The following CEP164 variants were observed in gnomAD, a reference collection of about 807,000 sequenced individuals.
CEP164 encodes centrosomal protein of 164 kDa.
A neutral mutation model predicts 182.7 loss-of-function variants in CEP164; 162 were observed. The observed-to-expected ratio is 0.89, with a 90% confidence interval of 0.78 to 1.01. The LOEUF is 1.01. Ranked by LOEUF, CEP164 falls within the 50% of genes least tolerant of loss-of-function variation. The pLI is 0.00. For synonymous variants in CEP164, 661 were observed against 690.0 expected, an observed-to-expected ratio of 0.96 and a Z score of 0.66; for missense variants, 1,735 against 1,790.4, an observed-to-expected ratio of 0.97 and a Z score of 0.56.
chr11:117,364,173 A>G (rs1290482414), intron 8 of CEP164: 1 of 152,222 alleles, frequency 6.6e-6, no homozygotes, highest in African/African-American at 2.4e-5. Flanking sequence ...CTAAGTATTT[A>G]TACAACCAAT....
Position 117,409,487 on chromosome 11 carries a change from A to G in CEP164, c.3749-131A>G, listed in dbSNP as rs1396517319. The stretch of plus-strand genomic sequence containing the variant: ...GCCCTGCCATCCCTGACCCCCTCAT[A>G]AGGTTGAGGGGCTGTTGTCTGGAGA... On this transcript the variant is annotated intron_variant, in intron 29 of 32. Coordinates refer to ENST00000278935, the MANE Select transcript of CEP164 (RefSeq NM_014956.5). This position sits in a 1 kb window ranked among gnomAD's most constrained non-coding sequence, Gnocchi z 4.4. 2.6e-6 allele frequency: 2 copies of G among 782,998 alleles called. No individual in the cohort carries two copies. The highest frequency in any genetic ancestry group is 4.2e-6 in the Non-Finnish European group (2 of 479,984). 48.5% of individuals were successfully genotyped at this position (782,998 alleles called of 1,614,324 possible). A position where few individuals can be genotyped will look rare whatever the true frequency, so the allele number is the denominator to read the frequency against.
At chr11:117,407,879 G>A (rs748683125) in intron 27 of CEP164, 46 bp from the exon 28 acceptor site, 13 of 1,432,704 alleles carry the variant, frequency 9.1e-6, no homozygotes, top group East Asian at 5.0e-5. Context: ...GGACTCCAGC[G>A]TCTGTGTGGG....
intron 27 of CEP164, among the ~76,000 whole-genome samples, chr11:117,397,707 C>T (rs1055858573): frequency 6.6e-6 from 1 of 152,128 alleles, no homozygotes; most frequent in African/African-American, 2.4e-5. Flanking sequence ...CATCATAAAC[C>T]CATCAGGATC....
chr11:117,386,278 C>T (rs995121543), intron 14 of CEP164: 4 of 152,204 alleles, frequency 2.6e-5, no homozygotes, highest in Admixed American at 2.6e-4. Context: ...AGACAAAATG[C>T]TTTATCCTGC....
At chr11:117,327,575 T>C (rs2035532613), upstream of CEP164, among the ~76,000 whole-genome samples, 1 of 151,750 alleles carries the variant, frequency 6.6e-6, no homozygotes, top group African/African-American at 2.4e-5. Flanking sequence ...TTGCTGGAAT[T>C]ACAGGCGTGA....
chr11:117,332,524 C>T (rs1229100044), intron 1 of CEP164, among the ~76,000 whole-genome samples: 4 of 152,044 alleles, frequency 2.6e-5, no homozygotes, highest in African/African-American at 7.2e-5. Flanking sequence ...TGCAGTGAGC[C>T]GAGATCGCAC....
intron 3 of CEP164, among the ~76,000 whole-genome samples, chr11:117,340,870 G>A (rs1592016514): frequency 6.6e-6 from 1 of 152,090 alleles, no homozygotes; most frequent in Non-Finnish European, 1.5e-5. Flanking sequence ...GTCTCACTTT[G>A]TCGCCCAGGC....
intron 8 of CEP164, 141 bp downstream of exon 8, chr11:117,363,647 T>C (rs2041267775): frequency 1.7e-6 from 1 of 590,126 alleles, no homozygotes; most frequent in Non-Finnish European, 3.0e-6. Flanking sequence ...ATTTCTGGGG[T>C]TTGGGGAAGG....
At chr11:117,403,653 A>G (rs1027313548) in intron 27 of CEP164, among the ~76,000 whole-genome samples, 5 of 151,844 alleles carry the variant, frequency 3.3e-5, no homozygotes, top group African/African-American at 1.2e-4. Context: ...CTTCTCGAGG[A>G]GTATCTTTGT....
chr11:117,387,102 AT>A, intron 14 of CEP164, 100 bp from the exon 15 acceptor site: 1 of 1,062,946 alleles, frequency 9.4e-7, no homozygotes, highest in South Asian at 1.4e-5. Context: ...TGGGCCCTCC[AT>A]TAGGATTCCA....
chr11:117,409,201 C>T lies in CEP164; in HGVS notation c.3748+173C>T. ...AAGGAATCACACCATCTAGGTTTGCCAGCACGTGGGGCTGAAAGGTCAGGG... is the reference window on the plus strand; with the variant it reads ...AAGGAATCACACCATCTAGGTTTGCTAGCACGTGGGGCTGAAAGGTCAGGG... On this transcript the variant is annotated intron_variant, in intron 29 of 32. Transcript: ENST00000278935. This position sits in a 1 kb window ranked among gnomAD's most constrained non-coding sequence, Gnocchi z 4.4. 7 of 860,154 alleles carry T rather than the reference C, an allele frequency of 8.1e-6. No individual in the cohort carries two copies. Among genetic ancestry groups the T allele is most frequent in the Non-Finnish European group, 1.2e-5 (7 of 567,132 alleles). The allele number at this position is 860,154 out of a possible 1,614,324, so 53.3% of individuals were successfully genotyped here. A position where few individuals can be genotyped will look rare whatever the true frequency, so the allele number is the denominator to read the frequency against.
At chr11:117,346,301 C>T (rs180748462) in intron 4 of CEP164, among the ~76,000 whole-genome samples, 4 of 151,220 alleles carry the variant, frequency 2.6e-5, no homozygotes, top group African/African-American at 7.3e-5. Context: ...TGGAGTCTTG[C>T]TCTGTCGCCC....
chr11:117,410,779 G>T (rs2047258675), intron 30 of CEP164, 49 bp from the exon 31 acceptor site: 2 of 1,534,664 alleles, frequency 1.3e-6, no homozygotes, highest in Non-Finnish European at 1.8e-6. Context: ...CTGGTGGGCA[G>T]GGTGGTGACC....
intron 25 of CEP164, 142 bp from the exon 26 acceptor site, chr11:117,396,408 G>A (rs1378857270): frequency 1.2e-6 from 1 of 817,210 alleles, no homozygotes; most frequent in Non-Finnish European, 2.1e-6. Context: ...CCACCAGTCA[G>A]ATGATATCTA....
At position 117,409,076 on chromosome 11, in the gene CEP164, G is replaced by T; in HGVS notation, c.3748+48G>T. 6.2e-7 allele frequency: 1 copy of T among 1,611,456 alleles called. No individual in the cohort carries two copies. The highest frequency in any genetic ancestry group is 8.5e-7 in the Non-Finnish European group (1 of 1,178,560). On this transcript the variant is annotated intron_variant, in intron 29 of 32. Coordinates refer to ENST00000278935, the MANE Select transcript of CEP164 (RefSeq NM_014956.5). This position sits in a 1 kb window ranked among gnomAD's most constrained non-coding sequence, Gnocchi z 4.4. ...GAGGACCATGGTATCCATGGAATGG[G>T]AGGAACTTGGGGAATAGAAGAAGAG...
intron 14 of CEP164, among the ~76,000 whole-genome samples, chr11:117,383,661 C>T (rs1390314630): frequency 6.6e-6 from 1 of 152,212 alleles, no homozygotes; most frequent in Non-Finnish European, 1.5e-5. Context: ...CCTTCCTACT[C>T]AGTTTTCAGA....
rs1381670722 is a variant in CEP164 at position 117,411,675 on chromosome 11, AAGCTGCTCTGGTAGCTG to A, written c.4164-117_4164-101del. 7 of 1,396,360 alleles carry A rather than the reference AAGCTGCTCTGGTAGCTG, an allele frequency of 5.0e-6. No individual in the cohort carries two copies. Among genetic ancestry groups the A allele is most frequent in the Non-Finnish European group, 6.9e-6 (7 of 1,018,356 alleles). The allele number at this position is 1,396,360 out of a possible 1,614,324, so 86.5% of individuals were successfully genotyped here. A position where few individuals can be genotyped will look rare whatever the true frequency, so the allele number is the denominator to read the frequency against. On this transcript the variant is annotated intron_variant, in intron 31 of 32. Transcript: ENST00000278935. This position sits in a 1 kb window ranked among gnomAD's most constrained non-coding sequence, Gnocchi z 4.4. ...CTTTGAATTGCTAGGGACCTCGGAG[AAGCTGCTCTGGTAGCTG>A]AGAGAAAGAGGGAGGAGGTGACAGA...
intron 6 of CEP164, 77 bp from the exon 7 acceptor site, chr11:117,362,327 A>C: frequency 2.0e-6 from 3 of 1,463,950 alleles, no homozygotes; most frequent in Non-Finnish European, 2.8e-6. Context: ...TGACATAGAG[A>C]GTGGGGAGGA....
Position 117,396,577 on chromosome 11 carries a change from C to G in CEP164, c.3244C>G (p.Leu1082Val). Residue 1082 changes from leucine to valine, a missense_variant, in exon 26 of 33, where the codon CTC becomes GTC. Leu to Val is a conservative substitution (Grantham distance 32). Coordinates refer to ENST00000278935, the MANE Select transcript of CEP164 (RefSeq NM_014956.5). ...CCAGACCAAAGAGGTGTCTTCTTCT[C>G]TCTCCCAGAGCAAGGAGGACTTATA... ...TNQTKEVSSS[L>V]SQSKEDLYLD... The G allele has an allele frequency of 6.2e-7, 1 of 1,613,816 alleles. No homozygotes were observed. The highest frequency in any genetic ancestry group is 8.5e-7 in the Non-Finnish European group (1 of 1,179,680).
Sources: gnomAD v4.1 joint callset for allele counts (sites outside exome capture counted in the v4.1 genomes callset) on GRCh38, gnomAD v4.1.1 for gene constraint, Gnocchi (gnomAD v3.1) non-coding constraint, MANE v1.5 for transcripts, NCBI Gene and HGNC (gene_info 2026-07-23, HGNC 2026-07-21) for gene names.